THSD7B: variants seen among roughly 807,000 people sequenced by gnomAD.
THSD7B encodes thrombospondin type 1 domain containing 7B.
THSD7B carries 138 observed loss-of-function variants against 213.6 expected under a neutral mutation model. The ratio of observed to expected loss-of-function variants is 0.65; its 90% confidence interval spans 0.56 to 0.74. The LOEUF (loss-of-function observed/expected upper bound fraction) is 0.74. Ranked by LOEUF, THSD7B falls within the 30% of genes least tolerant of loss-of-function variation. The pLI, the probability that THSD7B is intolerant of heterozygous loss-of-function variation, is 0.00. For missense variants in THSD7B, 1,931 were observed against 1,991.5 expected (o/e 0.97, Z 0.58); for synonymous variants, 742 against 687.0 (o/e 1.08, Z -1.25).
chr2:136,950,263 A>C (rs1239400552), intron 2 of THSD7B, among the ~76,000 whole-genome samples: 1 of 130,858 alleles, frequency 7.6e-6, no homozygotes, highest in African/African-American at 3.4e-5. Flanking sequence ...GAAGAAAAAA[A>C]TAAAAATAAA....
intron 2 of THSD7B, chr2:136,990,839 A>G (rs777007668): frequency 1.5e-6 from 2 of 1,300,772 alleles, no homozygotes; most frequent in Non-Finnish European, 2.0e-6. Flanking sequence ...AGTACTGAGC[A>G]TTTTCACAAA....
rs1683703297 is a variant in THSD7B, at chr2:137,676,529, A to C, written c.4745A>C (p.Lys1582Thr). The change falls in exon 28 of 28, where the codon AAG (lysine) becomes ACG (threonine). Residue 1582 changes from lysine to threonine, a missense_variant. Physicochemically the swap from Lys to Thr is moderately conservative, Grantham distance 78. Transcript: ENST00000409968. Reference protein sequence around the residue: ...LIFTSYLVCKKPKPHQSTPPQ... With the variant: ...LIFTSYLVCKTPKPHQSTPPQ... ...GAATTTTTTTCCCTTTGCAGCAAGAAGCCAAAACCACATCAAAGCACACCT... is the reference window on the plus strand; with the variant it reads ...GAATTTTTTTCCCTTTGCAGCAAGACGCCAAAACCACATCAAAGCACACCT... 6.3e-7 allele frequency: 1 copy of C among 1,593,874 alleles called. No individual in the cohort carries two copies. Among genetic ancestry groups the C allele is most frequent in the East Asian group, 2.3e-5 (1 of 44,396 alleles).
chr2:136,958,301 G>T (rs905219478), intron 2 of THSD7B, among the ~76,000 whole-genome samples: 11 of 152,224 alleles, frequency 7.2e-5, no homozygotes, highest in Non-Finnish European at 2.9e-5. Context: ...CAGGATGACT[G>T]TCCTGTGTTG....
chr2:137,120,572 C>G (rs905907265), intron 5 of THSD7B, among the ~76,000 whole-genome samples: 1 of 151,958 alleles, frequency 6.6e-6, no homozygotes. Flanking sequence ...TTAAGTCAAA[C>G]TCTTAGGGAT....
At chr2:137,660,314 A>G (rs1013461123) in intron 25 of THSD7B, among the ~76,000 whole-genome samples, 6 of 152,150 alleles carry the variant, frequency 3.9e-5, no homozygotes, top group Non-Finnish European at 8.8e-5. Flanking sequence ...CATGTAATGT[A>G]TTCTAATCAA....
At chr2:137,451,346 C>A (rs1321039564) in intron 15 of THSD7B, among the ~76,000 whole-genome samples, 1 of 151,094 alleles carries the variant, frequency 6.6e-6, no homozygotes, top group African/African-American at 2.4e-5. Context: ...ATATATATGT[C>A]TAAATATATA....
At chr2:137,499,065 C>G (rs1315332997) in intron 15 of THSD7B, among the ~76,000 whole-genome samples, 1 of 152,034 alleles carries the variant, frequency 6.6e-6, no homozygotes, top group East Asian at 1.9e-4. Context: ...TCTTTGGGCC[C>G]CTGTTCAGAA....
intron 10 of THSD7B, among the ~76,000 whole-genome samples, chr2:137,250,332 T>C (rs1682145037): frequency 6.6e-6 from 1 of 152,176 alleles, no homozygotes; most frequent in Non-Finnish European, 1.5e-5. Context: ...GATGGAATGA[T>C]TAAATCAAGC....
chr2:137,136,159 G>T (rs2104959128), intron 5 of THSD7B, among the ~76,000 whole-genome samples: 1 of 152,206 alleles, frequency 6.6e-6, no homozygotes, highest in East Asian at 1.9e-4. Context: ...GGGGTGAGGG[G>T]GCAAGGGGAG....
chr2:137,155,287 C>G (rs898874048), intron 5 of THSD7B, among the ~76,000 whole-genome samples: 8 of 152,130 alleles, frequency 5.3e-5, no homozygotes, highest in African/African-American at 1.4e-4. Flanking sequence ...CCTAGTCTGG[C>G]AGTTGGTCAG....
intron 12 of THSD7B, among the ~76,000 whole-genome samples, chr2:137,286,564 G>A (rs1013260375): frequency 2.0e-5 from 3 of 152,102 alleles, no homozygotes; most frequent in Admixed American, 1.3e-4. Flanking sequence ...ATTTTCTGCC[G>A]TAGCCATCTA....
chr2:137,619,537 C>T lies in THSD7B; in HGVS notation c.3681+1030C>T, dbSNP rs1192615906. On this transcript the variant is annotated intron_variant, in intron 19 of 27. Transcript: ENST00000409968. Reference sequence around the variant, plus strand: ...TGCTGTATACCATGATTTATTTTAACATTTATTTTATTTAATCAGCCTCTA... The same window carrying T: ...TGCTGTATACCATGATTTATTTTAATATTTATTTTATTTAATCAGCCTCTA... 3.3e-5 allele frequency among the ~76,000 whole-genome samples: 5 copies of T among 152,122 alleles called. 1 individual carries two copies. Among genetic ancestry groups the T allele is most frequent in the Non-Finnish European group, 7.4e-5 (5 of 68,006 alleles).
chr2:136,894,593 G>A (rs1683921129), intron 2 of THSD7B, among the ~76,000 whole-genome samples: 1 of 152,126 alleles, frequency 6.6e-6, no homozygotes, highest in East Asian at 1.9e-4. Context: ...CATATTACGT[G>A]CTTGAGTCAT....
rs904371439 is a variant in THSD7B at position 137,308,417 on chromosome 2, T to C, written c.2500+32391T>C. On this transcript the variant is annotated intron_variant, in intron 12 of 27. Transcript: ENST00000409968. Reference sequence around the variant, plus strand: ...ATGCTTTGAAGTCGTGTGGGGGCTTTATAAGTGACGGAGTACCATGATATG... The same window carrying C: ...ATGCTTTGAAGTCGTGTGGGGGCTTCATAAGTGACGGAGTACCATGATATG... 4.6e-5 allele frequency among the ~76,000 whole-genome samples: 7 copies of C among 152,158 alleles called. No individual in the cohort carries two copies. In the East Asian group the frequency reaches 1.2e-3, roughly 25 times the overall value.
chr2:137,355,082 G>A (rs1327001955), intron 12 of THSD7B, among the ~76,000 whole-genome samples: 1 of 152,002 alleles, frequency 6.6e-6, no homozygotes, highest in East Asian at 1.9e-4. Context: ...AAATGATTTG[G>A]GGTTTTGACA....
At chr2:137,180,668 T>C (rs1680437119) in intron 7 of THSD7B, among the ~76,000 whole-genome samples, 1 of 152,172 alleles carries the variant, frequency 6.6e-6, no homozygotes, top group African/African-American at 2.4e-5. Flanking sequence ...ATGTTGATAG[T>C]TTAAAGTCAC....
intron 1 of THSD7B, among the ~76,000 whole-genome samples, chr2:136,784,890 AGTT>A (rs970408893): frequency 1.3e-5 from 2 of 152,202 alleles, no homozygotes; most frequent in African/African-American, 4.8e-5. Flanking sequence ...GAAATTTCTT[AGTT>A]GTTTTTCCTC....
chr2:137,537,338 T>G (rs568461627), intron 15 of THSD7B, among the ~76,000 whole-genome samples: 1 of 151,912 alleles, frequency 6.6e-6, no homozygotes, highest in East Asian at 1.9e-4. Context: ...TTAAGGATTT[T>G]TAATGTTTCT....
At chr2:137,608,360 G>T (rs1238449906) in intron 17 of THSD7B, among the ~76,000 whole-genome samples, 1 of 148,928 alleles carries the variant, frequency 6.7e-6, no homozygotes, top group African/African-American at 2.5e-5. Flanking sequence ...CAGCTCTGTG[G>T]TGCTTTTTTT....
Sources: allele counts gnomAD v4.1 joint callset (sites outside exome capture counted in the v4.1 genomes callset), GRCh38; gene constraint gnomAD v4.1.1; transcripts MANE v1.5; gene names NCBI Gene and HGNC (gene_info 2026-07-23, HGNC 2026-07-21).